Variants in TMEM163 observed in about 807,000 individuals in gnomAD.
The protein encoded by TMEM163 is transmembrane protein 163.
TMEM163 carries 17 observed loss-of-function variants against 29.3 expected under a neutral mutation model. That is an observed-to-expected ratio of 0.58 (90% CI 0.40 to 0.87). TMEM163 has a LOEUF of 0.87. Among genes scored for constraint, TMEM163 ranks in the 40% least tolerant of loss-of-function variants. The probability of loss-of-function intolerance (pLI) is 0.00; values close to 1 mark genes in which losing one functional copy is unlikely to be tolerated. For synonymous variants in TMEM163, 157 were observed against 160.6 expected (o/e 0.98, Z 0.17); for missense variants, 303 against 381.5 (o/e 0.79, Z 1.71).
At chr2:134,557,344 G>A (rs1226189015) in intron 2 of TMEM163, among the ~76,000 whole-genome samples, 1 of 152,174 alleles carries the variant, frequency 6.6e-6, no homozygotes, top group Non-Finnish European at 1.5e-5. Context: ...TTTCTACTGT[G>A]AACCCAAAAG....
intron 2 of TMEM163, among the ~76,000 whole-genome samples, chr2:134,704,463 C>G (rs1684764007): frequency 6.6e-6 from 1 of 152,176 alleles, no homozygotes; most frequent in African/African-American, 2.4e-5. Context: ...GCCATCTCAG[C>G]TTCCAGGTCC....
chr2:134,466,454 C>T (rs1031616733), intron 5 of TMEM163: 15 of 494,238 alleles, frequency 3.0e-5, no homozygotes, highest in Middle Eastern at 1.1e-3. Context: ...AAAACCATTA[C>T]GTATTTATTT....
intron 2 of TMEM163, among the ~76,000 whole-genome samples, chr2:134,560,640 G>C (rs1490972730): frequency 6.6e-6 from 1 of 152,202 alleles, no homozygotes; most frequent in Non-Finnish European, 1.5e-5. Flanking sequence ...ATTAAGGAAA[G>C]AGTAAGGATA....
At chr2:134,523,155 G>A (rs563168847) in intron 4 of TMEM163, among the ~76,000 whole-genome samples, 1 of 152,292 alleles carries the variant, frequency 6.6e-6, no homozygotes, top group East Asian at 1.9e-4. Context: ...AACATGCTTT[G>A]TGTAAAAAGG....
At chr2:134,708,203 G>A (rs914173254) in intron 2 of TMEM163, among the ~76,000 whole-genome samples, 2 of 152,148 alleles carry the variant, frequency 1.3e-5, no homozygotes, top group African/African-American at 2.4e-5. Flanking sequence ...AGACCTTTAA[G>A]GCCACTGCAA....
At chr2:134,504,518 T>C (rs1359848196) in intron 4 of TMEM163, among the ~76,000 whole-genome samples, 1 of 151,914 alleles carries the variant, frequency 6.6e-6, no homozygotes, top group Non-Finnish European at 1.5e-5. Context: ...TCCGCACAAT[T>C]GACAGTGACA....
chr2:134,482,984 G>A (rs1185948693), intron 5 of TMEM163, among the ~76,000 whole-genome samples: 3 of 152,094 alleles, frequency 2.0e-5, no homozygotes, highest in African/African-American at 7.2e-5. Flanking sequence ...GCACCGAGAA[G>A]GGAGCAGACA....
chr2:134,471,416 A>G (rs912445316), intron 5 of TMEM163, among the ~76,000 whole-genome samples: 3 of 152,214 alleles, frequency 2.0e-5, no homozygotes, highest in African/African-American at 7.2e-5. Context: ...ATGAGGACAC[A>G]TGAGGACACA....
intron 2 of TMEM163, among the ~76,000 whole-genome samples, chr2:134,593,626 G>A (rs1224824151): frequency 1.3e-5 from 2 of 152,102 alleles, no homozygotes; most frequent in Non-Finnish European, 2.9e-5. Flanking sequence ...AGCCTAGGTA[G>A]GGAGTTGGGG....
At chr2:134,491,886 A>G (rs1679437156) in intron 5 of TMEM163, among the ~76,000 whole-genome samples, 1 of 152,216 alleles carries the variant, frequency 6.6e-6, no homozygotes, top group Non-Finnish European at 1.5e-5. Context: ...ACTCTTGTAC[A>G]GTCATTTCCT....
At chr2:134,678,862 T>G (rs1684173676) in intron 2 of TMEM163, among the ~76,000 whole-genome samples, 1 of 152,252 alleles carries the variant, frequency 6.6e-6, no homozygotes, top group South Asian at 2.1e-4. Flanking sequence ...TGTTCTAACT[T>G]CAAGTGGATA....
At chr2:134,696,511 G>T (rs1684585445) in intron 2 of TMEM163, among the ~76,000 whole-genome samples, 1 of 152,038 alleles carries the variant, frequency 6.6e-6, no homozygotes, top group African/African-American at 2.4e-5. Context: ...TTATTAGATT[G>T]TCTTCCCAGC....
At chr2:134,499,314 A>G (rs1679650684) in intron 5 of TMEM163, among the ~76,000 whole-genome samples, 1 of 152,258 alleles carries the variant, frequency 6.6e-6, no homozygotes, top group African/African-American at 2.4e-5. Context: ...TAAGCAGCCT[A>G]TTGGTAAAAG....
intron 4 of TMEM163, among the ~76,000 whole-genome samples, chr2:134,547,188 T>C (rs1680809353): frequency 6.6e-6 from 1 of 152,356 alleles, no homozygotes; most frequent in Non-Finnish European, 1.5e-5. Flanking sequence ...TTTTATGTTA[T>C]GCGTTTTAAC....
chr2:134,634,002 T>C lies in TMEM163; in HGVS notation c.322+79198A>G, dbSNP rs1471319095. ...ATATATATATATATATATATATATA[T>C]ATATATATATATATATATAATAGGA... On this transcript the variant is annotated intron_variant, in intron 2 of 7. Coordinates refer to ENST00000281924, the MANE Select transcript of TMEM163 (RefSeq NM_030923.5). 3.1e-4 allele frequency among the ~76,000 whole-genome samples: 9 copies of C among 28,884 alleles called. No homozygotes were observed. The East Asian group carries it at 4.1e-3, about 13-fold the overall frequency. 18.9% of individuals were successfully genotyped at this position (28,884 alleles called of 152,430 possible).
At chr2:134,628,315 G>A (rs1682895653) in intron 2 of TMEM163, among the ~76,000 whole-genome samples, 1 of 152,248 alleles carries the variant, frequency 6.6e-6, no homozygotes, top group Non-Finnish European at 1.5e-5. Flanking sequence ...GACCCGGATT[G>A]CTCAAACCCT....
intron 2 of TMEM163, among the ~76,000 whole-genome samples, chr2:134,690,027 T>A (rs1052999136): frequency 1.3e-5 from 2 of 152,010 alleles, no homozygotes; most frequent in African/African-American, 2.4e-5. Flanking sequence ...ACCTCCTAGG[T>A]TCAAGCAACT....
chr2:134,551,753 G>C (rs1007293741), intron 3 of TMEM163, among the ~76,000 whole-genome samples: 1 of 152,146 alleles, frequency 6.6e-6, no homozygotes, highest in Non-Finnish European at 1.5e-5. Context: ...TGCGTGCCAG[G>C]TCCACATACA....
At chr2:134,697,843 G>T (rs1019856848) in intron 2 of TMEM163, among the ~76,000 whole-genome samples, 2 of 151,722 alleles carry the variant, frequency 1.3e-5, no homozygotes, top group Non-Finnish European at 2.9e-5. Flanking sequence ...TCTTATTAAA[G>T]ACTTTTTGTA....
Sources: allele counts gnomAD v4.1 joint callset (sites outside exome capture counted in the v4.1 genomes callset), GRCh38; gene constraint gnomAD v4.1.1; transcripts MANE v1.5; gene names NCBI Gene and HGNC (gene_info 2026-07-23, HGNC 2026-07-21).